The following CFLAR variants were observed in gnomAD, a reference collection of about 807,000 sequenced individuals.
CFLAR encodes the protein CASP8 and FADD-like apoptosis regulator.
CFLAR carries 14 observed loss-of-function variants against 51.1 expected under a neutral mutation model. The ratio of observed to expected loss-of-function variants is 0.27; its 90% CI spans 0.18 to 0.43. The LOEUF is 0.43. Ranked by LOEUF, CFLAR falls within the 20% of genes least tolerant of loss-of-function variation. The pLI, the probability that CFLAR is intolerant of heterozygous loss-of-function variation, is 1.00. For synonymous variants in CFLAR, 210 were observed against 211.6 expected, an observed-to-expected ratio of 0.99 and a Z score of 0.06; for missense variants, 390 against 566.5, an observed-to-expected ratio of 0.69 and a Z score of 3.16.
chr2:201,141,233 A>G (rs1411219760), intron 5 of CFLAR: 1 of 1,177,552 alleles, frequency 8.5e-7, no homozygotes, highest in East Asian at 3.0e-5. Flanking sequence ...TCTGTCTCAA[A>G]AAAAATGTTT....
intron 1 of CFLAR, among the ~76,000 whole-genome samples, chr2:201,119,853 T>C (rs2048005547): frequency 6.6e-6 from 1 of 151,854 alleles, no homozygotes; most frequent in Admixed American, 6.6e-5. Context: ...TTTTTTTTTT[T>C]TTCACACATG....
At chr2:201,121,667 T>C (rs2048196909) in intron 1 of CFLAR, among the ~76,000 whole-genome samples, 1 of 152,234 alleles carries the variant, frequency 6.6e-6, no homozygotes, top group African/African-American at 2.4e-5. Flanking sequence ...TGACTTTGAA[T>C]AGAGATATCT....
intron 1 of CFLAR, among the ~76,000 whole-genome samples, chr2:201,126,905 TCTCTTGACTTCTG>T (rs1309521492): frequency 1.3e-5 from 2 of 152,304 alleles, no homozygotes; most frequent in East Asian, 3.9e-4. Context: ...TTGGCGATAG[TCTCTTGACTTCTG>T]CAAGAGAAAT....
At chr2:201,160,170 C>T (rs1045055437) in intron 8 of CFLAR, among the ~76,000 whole-genome samples, 1 of 152,120 alleles carries the variant, frequency 6.6e-6, no homozygotes, top group Non-Finnish European at 1.5e-5. Flanking sequence ...CTAGAGTGGG[C>T]TCAGTCTGTG....
intron 6 of CFLAR, 78 bp from the exon 7 acceptor site, chr2:201,148,925 C>T (rs1940776707): frequency 1.1e-6 from 1 of 932,412 alleles, no homozygotes; most frequent in Admixed American, 1.8e-5. Context: ...AGTTGTTATA[C>T]AAAGAAACTC....
intron 1 of CFLAR, among the ~76,000 whole-genome samples, chr2:201,123,500 G>C (rs2048385045): frequency 6.6e-6 from 1 of 152,112 alleles, no homozygotes; most frequent in Non-Finnish European, 1.5e-5. Context: ...ATGGCAAAAG[G>C]TGGAAGGGCA....
Position 201,172,720 on chromosome 2 carries a change from T to A in CFLAR, c.*8747T>A, listed in dbSNP as rs550707584. 2 of 152,248 alleles carry A rather than the reference T, an allele frequency of 1.3e-5. No individual in the cohort carries two copies. The highest frequency in any genetic ancestry group is 4.8e-5 in the African/African-American group (2 of 41,470). 9.4% of individuals were successfully genotyped at this position (152,248 alleles called of 1,614,324 possible). A position where few individuals can be genotyped will look rare whatever the true frequency, so the allele number is the denominator to read the frequency against. On this transcript the variant is annotated 3_prime_UTR_variant, in exon 10 of 10. Transcript: ENST00000309955. ...TTCAAGGTTCATCTATGCTATAGAG[T>A]GTACCAGTGCTTCATTACATTTTAT... is the stretch of plus-strand genomic sequence containing the variant.
chr2:201,160,183 T>C (rs1386119596), intron 8 of CFLAR, among the ~76,000 whole-genome samples: 1 of 152,166 alleles, frequency 6.6e-6, no homozygotes, highest in Non-Finnish European at 1.5e-5. Context: ...AGTCTGTGCC[T>C]GTGGCTGGCA....
chr2:201,134,974 A>G (rs2125705235), intron 3 of CFLAR, among the ~76,000 whole-genome samples: 1 of 152,316 alleles, frequency 6.6e-6, no homozygotes, highest in East Asian at 1.9e-4. Flanking sequence ...TCTCCCAGCC[A>G]TTTATATATA....
In CFLAR at chr2:201,175,736, G is replaced by A. The variant is rs1054383726; in HGVS notation, c.*11763G>A. 6.6e-6 allele frequency: 1 copy of A among 152,188 alleles called. No homozygotes were observed. The highest frequency in any genetic ancestry group is 1.5e-5 in the Non-Finnish European group (1 of 68,062). The allele number at this position is 152,188 out of a possible 1,614,324, so 9.4% of individuals were successfully genotyped here. A position where few individuals can be genotyped will look rare whatever the true frequency, so the allele number is the denominator to read the frequency against. ...AGCAACCTCAATTCTTTCCTCCTCA[G>A]AAGAAAGAATTTGACTGAGGGGCAT... On this transcript the variant is annotated 3_prime_UTR_variant, in exon 10 of 10. Transcript: ENST00000309955.
At position 201,129,890 on chromosome 2, in the gene CFLAR, G is replaced by C. The variant is rs1454977995; in HGVS notation, c.25G>C (p.Val9Leu). The change falls in exon 2 of 10, where the codon GTT becomes CTT. Residue 9 changes from valine to leucine, a missense_variant. Around this residue, in one of 2 missense-constraint regions of CFLAR, gnomAD observed 103 missense variants for 202.9 expected, o/e 0.51. Coordinates refer to ENST00000309955, the MANE Select transcript of CFLAR (RefSeq NM_003879.7). The part of the protein sequence containing the change: MSAEVIHQ[V>L]EEALDTDEKE... ...GATGTCTGCTGAAGTCATCCATCAGGTTGAAGAAGCACTTGATACAGATGA... is the reference window on the plus strand; with the variant it reads ...GATGTCTGCTGAAGTCATCCATCAGCTTGAAGAAGCACTTGATACAGATGA... The C allele has an allele frequency of 6.2e-7, 1 of 1,614,154 alleles. No homozygotes were observed. Among genetic ancestry groups the C allele is most frequent in the South Asian group, 1.1e-5 (1 of 91,086 alleles).
chr2:201,134,150 A>C (rs1340320194), intron 3 of CFLAR, among the ~76,000 whole-genome samples: 1 of 151,512 alleles, frequency 6.6e-6, no homozygotes, highest in Non-Finnish European at 1.5e-5. Flanking sequence ...CTCTACTAAA[A>C]ATACAAAAAA....
chr2:201,158,256 C>G (rs1248980969), intron 8 of CFLAR, among the ~76,000 whole-genome samples: 1 of 152,214 alleles, frequency 6.6e-6, no homozygotes, highest in Non-Finnish European at 1.5e-5. Flanking sequence ...GCTGTCTGCT[C>G]ACAGTCATGT....
At chr2:201,161,218 A>G (rs769709512) in intron 9 of CFLAR, among the ~76,000 whole-genome samples, 1 of 152,098 alleles carries the variant, frequency 6.6e-6, no homozygotes, top group Non-Finnish European at 1.5e-5. Flanking sequence ...AAACATTTTT[A>G]AAATTAGTTG....
rs999143220 is a variant in CFLAR, at chr2:201,122,327, C to T, written c.-138+5846C>T. On this transcript the variant is annotated intron_variant, in intron 1 of 9. Transcript: ENST00000309955. ...CTCTAAAGCATTAGCATTGTTATCT[C>T]ATGTAGCTGCAAAAGCTTCCTTTCA... 2.0e-5 allele frequency: 3 copies of T among 152,256 alleles called. No individual in the cohort carries two copies. In the South Asian group the frequency reaches 6.2e-4, roughly 31 times the overall value. The allele number at this position is 152,256 out of a possible 1,614,324, so 9.4% of individuals were successfully genotyped here.
At chr2:201,137,432 A>G (rs1180462873) in intron 4 of CFLAR, 1 of 468,646 alleles carries the variant, frequency 2.1e-6, no homozygotes, top group Admixed American at 3.2e-5. Context: ...AAATCTGTGG[A>G]CCACTCAGTT....
At chr2:201,159,365 A>T (rs1942725558) in intron 8 of CFLAR, among the ~76,000 whole-genome samples, 1 of 151,792 alleles carries the variant, frequency 6.6e-6, no homozygotes, top group African/African-American at 2.4e-5. Flanking sequence ...GCTGGAGTGC[A>T]GTGTCACAAT....
At chr2:201,126,176 T>C (rs1349540268) in intron 1 of CFLAR, among the ~76,000 whole-genome samples, 1 of 151,880 alleles carries the variant, frequency 6.6e-6, no homozygotes, top group Non-Finnish European at 1.5e-5. Context: ...TCTTTTATAC[T>C]TTGGTTTAGA....
intron 1 of CFLAR, among the ~76,000 whole-genome samples, chr2:201,128,914 C>A (rs917198035): frequency 6.6e-6 from 1 of 152,132 alleles, no homozygotes; most frequent in Non-Finnish European, 1.5e-5. Flanking sequence ...ACCCCTCCTA[C>A]CCAGCCCCCT....
Sources: gnomAD v4.1 joint callset for allele counts (sites outside exome capture counted in the v4.1 genomes callset) on GRCh38, gnomAD v4.1.1 for gene constraint, gnomAD v4.1.1 regional missense constraint, MANE v1.5 for transcripts, NCBI Gene and HGNC (gene_info 2026-07-23, HGNC 2026-07-21) for gene names.